The following FRMPD3 variants were observed in gnomAD, a reference collection of about 807,000 sequenced individuals.
The protein encoded by FRMPD3 is FERM and PDZ domain-containing protein 3.
FRMPD3 carries 42 observed loss-of-function variants against 97.9 expected under a neutral mutation model. That is an observed-to-expected ratio of 0.43 (90% CI 0.34 to 0.55). The LOEUF is 0.55. Ranked by LOEUF, FRMPD3 falls within the 20% of genes least tolerant of loss-of-function variation. The pLI, the probability that FRMPD3 is intolerant of heterozygous loss-of-function variation, is 0.03. For missense variants in FRMPD3, 1,303 were observed against 1,457.7 expected (o/e 0.89, Z 1.73); for synonymous variants, 577 against 581.1 (o/e 0.99, Z 0.10).
intron 2 of FRMPD3, among the ~76,000 whole-genome samples, chrX:107,528,682 G>A (rs1922798512): frequency 8.9e-6 from 1 of 112,648 alleles, no homozygotes; most frequent in African/African-American, 3.2e-5. Context: ...TATAGATGAG[G>A]TAAGAGAGAC....
intron 1 of FRMPD3, among the ~76,000 whole-genome samples, chrX:107,499,433 TTGGC>T (rs1283415150): frequency 8.9e-6 from 1 of 112,086 alleles, no homozygotes; most frequent in East Asian, 2.8e-4. Flanking sequence ...ACCTCCATGA[TTGGC>T]TCTAGAAGGA....
At chrX:107,470,667 G>A (rs1403817452) in intron 1 of FRMPD3, among the ~76,000 whole-genome samples, 1 of 112,530 alleles carries the variant, frequency 8.9e-6, no homozygotes, top group African/African-American at 3.2e-5. Flanking sequence ...GGATACACAA[G>A]GGTGTGAACA....
intron 13 of FRMPD3, among the ~76,000 whole-genome samples, chrX:107,588,792 T>C (rs1923776166): frequency 8.9e-6 from 1 of 112,004 alleles, no homozygotes; most frequent in African/African-American, 3.2e-5. Flanking sequence ...TTCTTTTTTC[T>C]CTAGTCTTGT....
intron 1 of FRMPD3, among the ~76,000 whole-genome samples, chrX:107,467,802 G>C (rs1296648517): frequency 9.0e-6 from 1 of 111,412 alleles, no homozygotes; most frequent in Non-Finnish European, 1.9e-5. Context: ...AGTTTGCTTT[G>C]CAGCCTCAAA....
chrX:107,533,858 A>G (rs751138088), intron 4 of FRMPD3, among the ~76,000 whole-genome samples: 6 of 112,319 alleles, frequency 5.3e-5, no homozygotes, highest in Non-Finnish European at 9.4e-5. Flanking sequence ...CTCCATTAAA[A>G]TGTATCTGTC....
In FRMPD3 at chrX:107,560,302, C is replaced by A; in HGVS notation, c.808C>A (p.Pro270Thr). ...IRERFGMDPK[P>T]EMLLGLAALH... is the part of the protein sequence containing the mutation. ...AGAACGCTTTGGAATGGATCCCAAG[C>A]CAGAGATGCTTTTGGGCCTTGCTGC... is the stretch of plus-strand genomic sequence containing the variant. Residue 270 changes from proline (P) to threonine (T), a missense_variant, in exon 9 of 15, where the codon CCA becomes ACA. Pro to Thr is a conservative substitution (Grantham distance 38). This residue lies in a region of FRMPD3 where 535 missense variants were observed against 618.6 expected (regional missense o/e 0.86). Coordinates refer to ENST00000683843, the MANE Select transcript of FRMPD3 (RefSeq NM_001388459.1). 8.3e-7 allele frequency: 1 copy of A among 1,209,121 alleles called. No homozygotes were observed. Among genetic ancestry groups the A allele is most frequent in the Non-Finnish European group, 1.1e-6 (1 of 894,774 alleles).
chrX:107,467,445 C>T (rs1362947349), intron 1 of FRMPD3, among the ~76,000 whole-genome samples: 1 of 110,667 alleles, frequency 9.0e-6, no homozygotes, highest in Non-Finnish European at 1.9e-5. Flanking sequence ...ATAAGTAGTC[C>T]CTTGCTACTT....
At chrX:107,533,648 A>T in intron 4 of FRMPD3, 98 bp downstream of exon 4, 1 of 726,196 alleles carries the variant, frequency 1.4e-6, no homozygotes, top group Admixed American at 2.5e-5. Context: ...GGGTTCAGAG[A>T]CTACAACCAA....
At chrX:107,496,527 G>A (rs1921777908) in intron 1 of FRMPD3, among the ~76,000 whole-genome samples, 1 of 112,241 alleles carries the variant, frequency 8.9e-6, no homozygotes, top group African/African-American at 3.2e-5. Context: ...GACAGATAAA[G>A]ATAGTTATTA....
intron 3 of FRMPD3, among the ~76,000 whole-genome samples, chrX:107,533,093 AT>A (rs745696976): frequency 9.0e-6 from 1 of 111,587 alleles, no homozygotes; most frequent in Non-Finnish European, 1.9e-5. Flanking sequence ...TAAATACCAA[AT>A]TACCAATAAT....
chrX:107,566,682 A>G (rs1314582531), intron 12 of FRMPD3, among the ~76,000 whole-genome samples: 2 of 113,183 alleles, frequency 1.8e-5, no homozygotes, highest in African/African-American at 3.2e-5. Context: ...CCTGGGTCCT[A>G]CTCTCAGAGA....
At chrX:107,493,350 G>A (rs1921705888) in intron 1 of FRMPD3, among the ~76,000 whole-genome samples, 1 of 110,748 alleles carries the variant, frequency 9.0e-6, no homozygotes, top group African/African-American at 3.3e-5. Context: ...CTCATTTCCT[G>A]GGGCATTTTA....
intron 1 of FRMPD3, among the ~76,000 whole-genome samples, chrX:107,451,234 T>C (rs1048736529): frequency 8.9e-5 from 10 of 111,954 alleles, no homozygotes; most frequent in Non-Finnish European, 1.7e-4. Context: ...CCTGCAGCTC[T>C]TACGGAGGGC....
intron 13 of FRMPD3, among the ~76,000 whole-genome samples, chrX:107,585,794 A>G (rs1923616744): frequency 8.9e-6 from 1 of 112,181 alleles, no homozygotes; most frequent in East Asian, 2.8e-4. Context: ...GATGAAGCCA[A>G]CTTGATTGTT....
intron 1 of FRMPD3, among the ~76,000 whole-genome samples, chrX:107,483,944 G>A (rs1238495917): frequency 9.0e-6 from 1 of 111,586 alleles, no homozygotes; most frequent in East Asian, 2.8e-4. Context: ...GGGGCTCTCA[G>A]CTGGAGAGCT....
In FRMPD3 at chrX:107,603,390, T is replaced by C. The variant is rs370956101; in HGVS notation, c.*17T>C. 8.9e-7 allele frequency: 1 copy of C among 1,128,978 alleles called. No homozygotes were observed. The highest frequency in any genetic ancestry group is 1.8e-5 in the African/African-American group (1 of 55,451). The allele number at this position is 1,128,978 out of a possible 1,213,427, so 93.0% of individuals were successfully genotyped here. A position where few individuals can be genotyped will look rare whatever the true frequency, so the allele number is the denominator to read the frequency against. On this transcript the variant is annotated 3_prime_UTR_variant, in exon 15 of 15. Coordinates refer to ENST00000683843, the MANE Select transcript of FRMPD3 (RefSeq NM_001388459.1). ...ATTAAGTAGGGCATCTGCCCACACC[T>C]GTCCCCCTTCCCCAACCATGGCCCC...
chrX:107,457,698 C>A (rs528992445), intron 1 of FRMPD3, among the ~76,000 whole-genome samples: 123 of 112,157 alleles, frequency 1.1e-3, no homozygotes, highest in Middle Eastern at 9.2e-3. Context: ...GGGATATTCA[C>A]TGGACTCTGA....
chrX:107,565,842 C>A (rs1306930608), intron 12 of FRMPD3, among the ~76,000 whole-genome samples: 2 of 112,339 alleles, frequency 1.8e-5, no homozygotes, highest in Non-Finnish European at 3.8e-5. Context: ...GCCCCAGAAA[C>A]TATAGGAATG....
At chrX:107,564,171 C>T (rs182806305) in intron 11 of FRMPD3, among the ~76,000 whole-genome samples, 9 of 111,621 alleles carry the variant, frequency 8.1e-5, no homozygotes, top group Admixed American at 5.7e-4. Flanking sequence ...TCCTTCAGGC[C>T]GAGAGGTAGC....
Sources: gnomAD v4.1 joint callset for allele counts (sites outside exome capture counted in the v4.1 genomes callset) on GRCh38, gnomAD v4.1.1 for gene constraint, gnomAD v4.1.1 regional missense constraint, MANE v1.5 for transcripts, NCBI Gene and HGNC (gene_info 2026-07-23, HGNC 2026-07-21) for gene names.